The following SEMA5B variants were observed in gnomAD, a reference collection of about 807,000 sequenced individuals.
The protein encoded by SEMA5B is semaphorin-5B.
SEMA5B carries 66 observed loss-of-function variants against 135.0 expected under a neutral mutation model. The observed-to-expected ratio is 0.49, with a 90% CI of 0.40 to 0.60. The LOEUF (loss-of-function observed/expected upper bound fraction) is 0.60. Ranked by LOEUF, SEMA5B falls within the 20% of genes least tolerant of loss-of-function variation. SEMA5B has a pLI of 0.00. For synonymous variants in SEMA5B, 690 were observed against 639.5 expected (o/e 1.08, Z -1.19); for missense variants, 1,501 against 1,566.3 (o/e 0.96, Z 0.70).
intron 1 of SEMA5B, among the ~76,000 whole-genome samples, chr3:122,998,231 G>A (rs975199676): frequency 6.6e-6 from 1 of 152,116 alleles, no homozygotes; most frequent in African/African-American, 2.4e-5. Context: ...CCCTCTGGGA[G>A]AGCTCTGAAC....
chr3:122,973,444 G>A (rs1289597643), intron 1 of SEMA5B, among the ~76,000 whole-genome samples: 1 of 152,176 alleles, frequency 6.6e-6, no homozygotes, highest in Non-Finnish European at 1.5e-5. Context: ...AGTGGAGGGT[G>A]CCGCAGTCTG....
chr3:122,958,141 C>T (rs1940415859), intron 2 of SEMA5B: 1 of 152,308 alleles, frequency 6.6e-6, no homozygotes, highest in African/African-American at 2.4e-5. Flanking sequence ...CTGGCAGCTT[C>T]CCCCAGCCCA....
chr3:122,927,326 A>G (rs2107653660), intron 8 of SEMA5B, among the ~76,000 whole-genome samples: 1 of 152,266 alleles, frequency 6.6e-6, no homozygotes, highest in Middle Eastern at 3.4e-3. Context: ...AGGTAGGAAT[A>G]CAGGCATGCA....
At chr3:122,971,203 T>C (rs1038617833) in intron 1 of SEMA5B, among the ~76,000 whole-genome samples, 5 of 152,252 alleles carry the variant, frequency 3.3e-5, no homozygotes, top group Admixed American at 2.0e-4. Context: ...GGGAGAATTA[T>C]CTGGTTAATG....
In SEMA5B at chr3:122,913,436, G is replaced by A. The variant is rs773214055; in HGVS notation, c.2281-12C>T. The A allele has an allele frequency of 1.5e-5, 23 of 1,559,828 alleles. No individual in the cohort carries two copies. The highest frequency in any genetic ancestry group is 2.0e-5 in the Non-Finnish European group (23 of 1,156,534). ...CACGTCTTGAACTCCTGCGGGTGGC[G>A]GCAGAGGCAGCTTTAGAACCCCACG... On this transcript the variant is annotated splice_polypyrimidine_tract_variant and intron_variant, in intron 16 of 22. Coordinates refer to ENST00000357599, the MANE Select transcript of SEMA5B (RefSeq NM_001031702.4).
chr3:123,003,035 A>T (rs150891981), intron 1 of SEMA5B, among the ~76,000 whole-genome samples: 1 of 152,316 alleles, frequency 6.6e-6, no homozygotes, highest in Non-Finnish European at 1.5e-5. Flanking sequence ...ACAAGCAGGT[A>T]TAGTTACCAC....
intron 4 of SEMA5B, among the ~76,000 whole-genome samples, chr3:122,943,061 C>T (rs938614298): frequency 2.0e-5 from 3 of 152,228 alleles, no homozygotes; most frequent in Non-Finnish European, 4.4e-5. Flanking sequence ...GCCGGCTGGC[C>T]GGCAGGGGGC....
At chr3:122,959,628 G>C (rs1022375312) in intron 2 of SEMA5B, among the ~76,000 whole-genome samples, 3 of 152,222 alleles carry the variant, frequency 2.0e-5, no homozygotes, top group Non-Finnish European at 4.4e-5. Flanking sequence ...AACAAAGTGT[G>C]AACATCGTGA....
intron 20 of SEMA5B, 123 bp from the exon 21 acceptor site, chr3:122,911,658 G>T: frequency 9.4e-7 from 1 of 1,066,410 alleles, no homozygotes; most frequent in Non-Finnish European, 1.3e-6. Context: ...AGGTAGGCGT[G>T]GGGGCCTTCA....
At chr3:122,931,997 AC>A (rs1938996810) in intron 5 of SEMA5B, among the ~76,000 whole-genome samples, 1 of 152,226 alleles carries the variant, frequency 6.6e-6, no homozygotes, top group South Asian at 2.1e-4. Flanking sequence ...GCTGAATGTG[AC>A]TGTCAGATGT....
rs1245758196 is a variant in SEMA5B, at chr3:122,915,853, C to A, written c.1726G>T (p.Asp576Tyr). The change falls in exon 13 of 23, where the codon GAC (aspartate) becomes TAC (tyrosine). Residue 576 changes from aspartate (D) to tyrosine (Y), a missense_variant. Asp to Tyr is a radical substitution (Grantham distance 160). Transcript: ENST00000357599. ...LGARDPYCGWDGKQQRCSTLE... is the reference protein window; with the variant it reads ...LGARDPYCGWYGKQQRCSTLE... The stretch of plus-strand genomic sequence containing the variant: ...GTGCTGCAACGTTGCTGCTTCCCGT[C>A]CCAGCCACAGTACGGGTCCCGGGCC... The A allele has an allele frequency of 6.2e-7, 1 of 1,614,032 alleles. No homozygotes were observed. The highest frequency in any genetic ancestry group is 1.3e-5 in the African/African-American group (1 of 75,000).
intron 1 of SEMA5B, among the ~76,000 whole-genome samples, chr3:122,999,747 G>A (rs796684686): frequency 3.8e-4 from 58 of 152,296 alleles, no homozygotes; most frequent in African/African-American, 1.3e-3. Flanking sequence ...CTGGTTCCAC[G>A]CTGATACTTG....
chr3:122,960,884 T>C (rs937221343), intron 2 of SEMA5B, among the ~76,000 whole-genome samples: 2 of 152,162 alleles, frequency 1.3e-5, no homozygotes, highest in African/African-American at 2.4e-5. Context: ...GTTCTGGAGA[T>C]GGAGGGTGGT....
chr3:123,013,213 C>A (rs1186440475), intron 1 of SEMA5B, among the ~76,000 whole-genome samples: 1 of 152,148 alleles, frequency 6.6e-6, no homozygotes, highest in Non-Finnish European at 1.5e-5. Flanking sequence ...CTCAGTCATG[C>A]CATCTGTAAA....
intron 1 of SEMA5B, among the ~76,000 whole-genome samples, chr3:122,983,610 C>T (rs1393904735): frequency 6.7e-6 from 1 of 149,576 alleles, no homozygotes; most frequent in African/African-American, 2.5e-5. Context: ...CCCAGCTACT[C>T]GGGAGGCTGA....
chr3:122,945,618 C>A (rs758059558), intron 3 of SEMA5B, among the ~76,000 whole-genome samples: 49 of 152,092 alleles, frequency 3.2e-4, no homozygotes, highest in Non-Finnish European at 6.5e-4. Context: ...AGACTGGGTG[C>A]TCCCTAACAG....
intron 1 of SEMA5B, among the ~76,000 whole-genome samples, chr3:123,021,872 A>C (rs1942688583): frequency 6.6e-6 from 1 of 152,182 alleles, no homozygotes; most frequent in African/African-American, 2.4e-5. Flanking sequence ...TACCTTCCAG[A>C]TGATATTTGG....
chr3:123,019,958 T>C (rs1942640420), intron 1 of SEMA5B, among the ~76,000 whole-genome samples: 1 of 152,210 alleles, frequency 6.6e-6, no homozygotes, highest in Non-Finnish European at 1.5e-5. Flanking sequence ...GCGCGAAGCC[T>C]CAGAGGAGAG....
Position 122,931,324 on chromosome 3 carries a change from A to C in SEMA5B, c.475-2266T>G, listed in dbSNP as rs370832601. ...CCCACCACCGTTCTTCCCCGCACCA[A>C]AGCACACGTAACATTTCCCATCTCC... On this transcript the variant is annotated intron_variant, in intron 5 of 22. Coordinates refer to ENST00000357599, the MANE Select transcript of SEMA5B (RefSeq NM_001031702.4). Among the ~76,000 whole-genome samples, 3 of 152,214 alleles carry C rather than the reference A, an allele frequency of 2.0e-5. No individual in the cohort carries two copies. The East Asian group carries it at 5.8e-4, about 29-fold the overall frequency.
Sources: gnomAD v4.1 joint callset for allele counts (sites outside exome capture counted in the v4.1 genomes callset) on GRCh38, gnomAD v4.1.1 for gene constraint, MANE v1.5 for transcripts, NCBI Gene and HGNC (gene_info 2026-07-23, HGNC 2026-07-21) for gene names.